SLCO6A1: variants seen among roughly 807,000 people sequenced by gnomAD.
SLCO6A1 encodes the protein solute carrier organic anion transporter family member 6A1, also known as cancer/testis antigen 48.
Under a neutral mutation model 72.7 loss-of-function variants are expected in SLCO6A1, and 65 were observed. That is an observed-to-expected ratio of 0.89 (90% confidence interval 0.73 to 1.10). The LOEUF is 1.10. SLCO6A1 is among the 50% of genes least tolerant of loss of function. The pLI, the probability that SLCO6A1 is intolerant of heterozygous loss-of-function variation, is 0.00. For missense variants in SLCO6A1, 874 were observed against 872.6 expected (o/e 1.00, Z -0.02); for synonymous variants, 314 against 298.2 (o/e 1.05, Z -0.55).
chr5:102,389,454 C>CCCCCCCG (rs1554065645), intron 11 of SLCO6A1, among the ~76,000 whole-genome samples: 1 of 82,108 alleles, frequency 1.2e-5, no homozygotes, highest in South Asian at 5.5e-4. Context: ...CGCCCCCCAC[C>CCCCCCCG]CCCACACACA....
intron 6 of SLCO6A1, among the ~76,000 whole-genome samples, chr5:102,451,506 G>GT (rs1750417339): frequency 6.6e-6 from 1 of 152,188 alleles, no homozygotes; most frequent in African/African-American, 2.4e-5. Flanking sequence ...GATTTGGCAT[G>GT]TACCTGAACA....
At chr5:102,387,995 T>A (rs1228687841) in intron 12 of SLCO6A1, among the ~76,000 whole-genome samples, 1 of 152,158 alleles carries the variant, frequency 6.6e-6, no homozygotes, top group African/African-American at 2.4e-5. Flanking sequence ...CAACAAATAT[T>A]GAAAGGTTAT....
At chr5:102,474,146 T>G (rs1751772954) in intron 4 of SLCO6A1, among the ~76,000 whole-genome samples, 1 of 151,880 alleles carries the variant, frequency 6.6e-6, no homozygotes, top group African/African-American at 2.4e-5. Flanking sequence ...AAAAATAAAG[T>G]TGGAGGCATA....
chr5:102,491,940 G>T (rs1752701158), intron 1 of SLCO6A1, among the ~76,000 whole-genome samples: 1 of 152,268 alleles, frequency 6.6e-6, no homozygotes, highest in South Asian at 2.1e-4. Flanking sequence ...AGAAAGCATG[G>T]CTGGGGAGGC....
At chr5:102,435,332 C>CA (rs1177013739) in intron 7 of SLCO6A1, among the ~76,000 whole-genome samples, 1 of 152,038 alleles carries the variant, frequency 6.6e-6, no homozygotes, top group Non-Finnish European at 1.5e-5. Flanking sequence ...GCTGTAGCTT[C>CA]AATTTCTAAA....
chr5:102,445,409 T>C (rs942914587), intron 6 of SLCO6A1, among the ~76,000 whole-genome samples: 10 of 152,180 alleles, frequency 6.6e-5, no homozygotes, highest in African/African-American at 2.4e-4. Flanking sequence ...TTTATGTCCT[T>C]TGCCCATTTT....
intron 8 of SLCO6A1, among the ~76,000 whole-genome samples, chr5:102,413,478 T>G (rs1748105179): frequency 6.6e-6 from 1 of 152,140 alleles, no homozygotes; most frequent in African/African-American, 2.4e-5. Context: ...CATACACTGA[T>G]CTACTTTCTG....
chr5:102,422,570 A>C (rs1175116549), intron 7 of SLCO6A1, among the ~76,000 whole-genome samples: 1 of 152,208 alleles, frequency 6.6e-6, no homozygotes, highest in East Asian at 1.9e-4. Flanking sequence ...AGACAAGATT[A>C]GAGAAAAAAG....
At chr5:102,417,655 A>G (rs2112605269) in intron 8 of SLCO6A1, among the ~76,000 whole-genome samples, 1 of 152,290 alleles carries the variant, frequency 6.6e-6, no homozygotes, top group South Asian at 2.1e-4. Flanking sequence ...ATAATTTTAA[A>G]AATGTATATT....
chr5:102,398,181 C>T (rs1273111630), intron 10 of SLCO6A1, among the ~76,000 whole-genome samples: 1 of 151,936 alleles, frequency 6.6e-6, no homozygotes, highest in African/African-American at 2.4e-5. Context: ...ATAAATCTTA[C>T]CCTCTTATTT....
intron 7 of SLCO6A1, among the ~76,000 whole-genome samples, chr5:102,428,729 T>C (rs942622296): frequency 1.3e-5 from 2 of 152,168 alleles, no homozygotes; most frequent in African/African-American, 4.8e-5. Context: ...TTCCATGTCT[T>C]TGCTATTGTG....
intron 12 of SLCO6A1, among the ~76,000 whole-genome samples, chr5:102,381,841 T>A (rs1428167508): frequency 6.6e-6 from 1 of 151,324 alleles, no homozygotes; most frequent in African/African-American, 2.4e-5. Flanking sequence ...TTCAGAAATA[T>A]AATTGTTGGC....
chr5:102,434,463 C>G (rs1419857931), intron 7 of SLCO6A1, among the ~76,000 whole-genome samples: 2 of 152,192 alleles, frequency 1.3e-5, no homozygotes, highest in Non-Finnish European at 2.9e-5. Flanking sequence ...AACTGGAGCT[C>G]AGAAACCTAG....
intron 6 of SLCO6A1, among the ~76,000 whole-genome samples, chr5:102,455,959 A>G (rs1311977875): frequency 6.6e-6 from 1 of 152,222 alleles, no homozygotes; most frequent in Non-Finnish European, 1.5e-5. Context: ...ACATATGCAA[A>G]TCAATAAACA....
intron 1 of SLCO6A1, among the ~76,000 whole-genome samples, chr5:102,497,890 A>T (rs1405317514): frequency 6.6e-6 from 1 of 152,100 alleles, no homozygotes; most frequent in Non-Finnish European, 1.5e-5. Context: ...AAGAGTCTGA[A>T]CCTCCGCAAA....
chr5:102,418,078 A>G (rs1168295574), intron 8 of SLCO6A1, among the ~76,000 whole-genome samples: 2 of 151,984 alleles, frequency 1.3e-5, no homozygotes, highest in African/African-American at 2.4e-5. Flanking sequence ...ATATAAAATT[A>G]AAGGTGACTT....
chr5:102,471,852 A>G (rs978375585), intron 4 of SLCO6A1, among the ~76,000 whole-genome samples: 10 of 152,106 alleles, frequency 6.6e-5, no homozygotes, highest in African/African-American at 9.6e-5. Flanking sequence ...AACAAGGCAC[A>G]GTATAACATT....
rs573027607 is a variant in SLCO6A1, at chr5:102,454,154, T to G, written c.1131+4228A>C. Among the ~76,000 whole-genome samples, 4 of 152,306 alleles carry G rather than the reference T, an allele frequency of 2.6e-5. No homozygotes were observed. The South Asian group carries it at 6.2e-4, about 24-fold the overall frequency. On this transcript the variant is annotated intron_variant, in intron 6 of 13. Coordinates refer to ENST00000506729, the MANE Select transcript of SLCO6A1 (RefSeq NM_173488.5). The stretch of plus-strand genomic sequence containing the variant: ...TTTTCCAAAGACTGGCCACCAATAT[T>G]GTAATTGCTGACTACAATGTCCCAG...
chr5:102,376,979 C>T (rs1413731767), intron 12 of SLCO6A1, among the ~76,000 whole-genome samples: 1 of 152,056 alleles, frequency 6.6e-6, no homozygotes, highest in African/African-American at 2.4e-5. Flanking sequence ...GCCTGGGCAA[C>T]ACAGTGAGAC....
Sources: gnomAD v4.1 joint callset for allele counts (sites outside exome capture counted in the v4.1 genomes callset) on GRCh38, gnomAD v4.1.1 for gene constraint, MANE v1.5 for transcripts, NCBI Gene and HGNC (gene_info 2026-07-23, HGNC 2026-07-21) for gene names.